AGBL1: variants seen among roughly 807,000 people sequenced by gnomAD.
The protein encoded by AGBL1 is cytosolic carboxypeptidase 4.
AGBL1 carries 130 observed loss-of-function variants against 118.9 expected under a neutral mutation model. The ratio of observed to expected loss-of-function variants is 1.09; its 90% CI spans 0.95 to 1.26. The LOEUF (loss-of-function observed/expected upper bound fraction) is 1.26. Ranked by LOEUF, AGBL1 falls within the 50% of genes most tolerant of loss-of-function variation. AGBL1 has a pLI of 0.00. For missense variants in AGBL1, 1,584 were observed against 1,298.1 expected, an observed-to-expected ratio of 1.22 and a Z score of -3.38; for synonymous variants, 555 against 478.9, an observed-to-expected ratio of 1.16 and a Z score of -2.08.
intron 17 of AGBL1, among the ~76,000 whole-genome samples, chr15:86,372,983 G>A (rs1488410089): frequency 6.6e-6 from 1 of 152,018 alleles, no homozygotes; most frequent in Non-Finnish European, 1.5e-5. Flanking sequence ...ATCTAACCCT[G>A]TAACCCCTCC....
intron 22 of AGBL1, among the ~76,000 whole-genome samples, chr15:86,703,944 A>C (rs2086403749): frequency 6.6e-6 from 1 of 152,144 alleles, no homozygotes; most frequent in Admixed American, 6.5e-5. Flanking sequence ...CAACAGATAT[A>C]TAGACCAATG....
chr15:86,837,351 CA>C (rs1306335085), intron 22 of AGBL1, among the ~76,000 whole-genome samples: 4 of 152,064 alleles, frequency 2.6e-5, no homozygotes, highest in African/African-American at 9.7e-5. Context: ...ATTTGCCTTA[CA>C]AATTCTGAGT....
At chr15:86,397,614 A>G in intron 18 of AGBL1, 68 bp downstream of exon 18, 1 of 1,455,396 alleles carries the variant, frequency 6.9e-7, no homozygotes, top group Non-Finnish European at 9.4e-7. Context: ...CATTTCACCA[A>G]GTAGGCGTGA....
intron 21 of AGBL1, among the ~76,000 whole-genome samples, chr15:86,645,044 C>T (rs916695888): frequency 3.3e-5 from 5 of 150,468 alleles, no homozygotes; most frequent in African/African-American, 4.9e-5. Context: ...AAACAAAAAA[C>T]AAAAACAAAA....
chr15:86,963,793 C>A (rs1312369830), intron 23 of AGBL1, among the ~76,000 whole-genome samples: 1 of 151,858 alleles, frequency 6.6e-6, no homozygotes. Flanking sequence ...GAACAATGGT[C>A]CTCTGAAGGC....
rs187101534 is a variant in AGBL1 at position 86,319,362 on chromosome 15, G to T, written c.2374+23954G>T. Among the ~76,000 whole-genome samples, 8 of 152,216 alleles carry T rather than the reference G, an allele frequency of 5.3e-5. No homozygotes were observed. In the East Asian group the frequency reaches 1.4e-3, roughly 26 times the overall value. The stretch of plus-strand genomic sequence containing the variant: ...TTGCCAGTCCAATGAGTATGTGATG[G>T]TATCTCATTGTAGTTTTAATTGGCA... On this transcript the variant is annotated intron_variant, in intron 17 of 22. Coordinates refer to ENST00000614907, the MANE Select transcript of AGBL1 (RefSeq NM_001386094.1).
At chr15:86,288,163 A>G (rs2079484313) in intron 16 of AGBL1, among the ~76,000 whole-genome samples, 1 of 152,148 alleles carries the variant, frequency 6.6e-6, no homozygotes, top group Non-Finnish European at 1.5e-5. Context: ...TTTAGTCTAG[A>G]TTTTGATAAT....
At chr15:86,905,227 G>T (rs1482940615) in intron 22 of AGBL1, among the ~76,000 whole-genome samples, 3 of 152,180 alleles carry the variant, frequency 2.0e-5, no homozygotes, top group Non-Finnish European at 4.4e-5. Flanking sequence ...CGGGAGAACT[G>T]CAAGTTTGTG....
chr15:86,383,523 G>A (rs900229567), intron 17 of AGBL1, among the ~76,000 whole-genome samples: 1 of 152,154 alleles, frequency 6.6e-6, no homozygotes, highest in African/African-American at 2.4e-5. Context: ...GGAAGTAGAG[G>A]TTGCAGTGAG....
chr15:86,922,373 C>T (rs1227212446), intron 23 of AGBL1, among the ~76,000 whole-genome samples: 1 of 152,224 alleles, frequency 6.6e-6, no homozygotes, highest in Non-Finnish European at 1.5e-5. Context: ...TCACTGCAAC[C>T]TCCGCCTCCT....
rs1306267760 is a variant in AGBL1, at chr15:86,262,994, C to G, written c.1086+100C>G. The G allele has an allele frequency of 9.9e-6, 8 of 805,964 alleles. No homozygotes were observed. The Admixed American group carries it at 1.7e-4, about 17-fold the overall frequency. The allele number at this position is 805,964 out of a possible 1,614,324, so 49.9% of individuals were successfully genotyped here. A position where few individuals can be genotyped will look rare whatever the true frequency, so the allele number is the denominator to read the frequency against. Reference sequence around the variant, plus strand: ...GGGTGTCCAGATGGAAAGCATTGCTCATCATTAGCCATATGCTTCTGGGCT... The same window carrying G: ...GGGTGTCCAGATGGAAAGCATTGCTGATCATTAGCCATATGCTTCTGGGCT... On this transcript the variant is annotated intron_variant, in intron 10 of 22. Transcript: ENST00000614907.
At chr15:86,212,909 C>T (rs1219799813) in intron 5 of AGBL1, among the ~76,000 whole-genome samples, 7 of 152,204 alleles carry the variant, frequency 4.6e-5, no homozygotes, top group East Asian at 1.9e-4. Flanking sequence ...CTCGGCCTCC[C>T]AAAGTGCTGG....
intron 23 of AGBL1, among the ~76,000 whole-genome samples, chr15:86,977,763 A>G (rs1255964607): frequency 6.6e-6 from 1 of 151,980 alleles, no homozygotes; most frequent in African/African-American, 2.4e-5. Context: ...CTACTTTTGT[A>G]TGATTATTTC....
At chr15:86,310,191 T>C (rs1254940829) in intron 17 of AGBL1, among the ~76,000 whole-genome samples, 3 of 152,184 alleles carry the variant, frequency 2.0e-5, no homozygotes, top group Non-Finnish European at 4.4e-5. Flanking sequence ...ATTCATTTCT[T>C]TGGGTTGTCT....
rs1412241484 is a variant in AGBL1, at chr15:86,763,099, G to A, written c.3158+88663G>A. Among the ~76,000 whole-genome samples the A allele has an allele frequency of 2.6e-5, 4 of 152,118 alleles. No individual in the cohort carries two copies. In the South Asian group the frequency reaches 8.3e-4, roughly 32 times the overall value. ...ACGTGATGTTTGGAGTTGCATTACTGTAAGTGCATTTTTGTTCCAAATCAC... is the reference window on the plus strand; with the variant it reads ...ACGTGATGTTTGGAGTTGCATTACTATAAGTGCATTTTTGTTCCAAATCAC... On this transcript the variant is annotated intron_variant, in intron 22 of 22. Coordinates refer to ENST00000614907, the MANE Select transcript of AGBL1 (RefSeq NM_001386094.1).
intron 22 of AGBL1, among the ~76,000 whole-genome samples, chr15:86,881,581 A>G (rs539520171): frequency 1.3e-5 from 2 of 152,192 alleles, no homozygotes; most frequent in African/African-American, 4.8e-5. Context: ...GTACTGGTAT[A>G]AAGAAATACC....
chr15:86,132,152 G>A (rs905897194), intron 1 of AGBL1, among the ~76,000 whole-genome samples: 5 of 152,086 alleles, frequency 3.3e-5, no homozygotes, highest in Non-Finnish European at 5.9e-5. Flanking sequence ...AACGAGAGGC[G>A]CAAAGACAGC....
chr15:86,191,309 T>C (rs947661808), intron 5 of AGBL1, among the ~76,000 whole-genome samples: 64 of 134,650 alleles, frequency 4.8e-4, no homozygotes, highest in African/African-American at 1.7e-3. Flanking sequence ...GATTGCACCA[T>C]TGCATTCCAG....
At chr15:86,318,363 CT>C (rs2080049214) in intron 17 of AGBL1, among the ~76,000 whole-genome samples, 1 of 151,956 alleles carries the variant, frequency 6.6e-6, no homozygotes, top group African/African-American at 2.4e-5. Flanking sequence ...TTGTTATTTT[CT>C]TTTCTGTCTG....
Sources: gnomAD v4.1 joint callset for allele counts (sites outside exome capture counted in the v4.1 genomes callset) on GRCh38, gnomAD v4.1.1 for gene constraint, MANE v1.5 for transcripts, NCBI Gene and HGNC (gene_info 2026-07-23, HGNC 2026-07-21) for gene names.